The following PRKRIP1 variants were observed in gnomAD, a reference collection of about 807,000 sequenced individuals.
PRKRIP1 encodes the protein PRKR interacting protein 1.
In PRKRIP1, 29 loss-of-function variants were observed where a neutral mutation model predicts 29.3. That is an observed-to-expected ratio of 0.99 (90% CI 0.74 to 1.35). PRKRIP1 has a LOEUF of 1.35. Among genes scored for constraint, PRKRIP1 ranks in the 40% most tolerant of loss-of-function variants. The probability of loss-of-function intolerance (pLI) is 0.00; values close to 1 mark genes in which losing one functional copy is unlikely to be tolerated. For missense variants in PRKRIP1, 247 were observed against 236.8 expected, an observed-to-expected ratio of 1.04 and a Z score of -0.28; for synonymous variants, 90 against 85.1, an observed-to-expected ratio of 1.06 and a Z score of -0.32.
intron 5 of PRKRIP1, among the ~76,000 whole-genome samples, chr7:102,418,618 C>T (rs1796613591): frequency 6.6e-6 from 1 of 152,168 alleles, no homozygotes; most frequent in South Asian, 2.1e-4. Flanking sequence ...GCCTTCTCTC[C>T]TTGTTTCTCT....
intron 1 of PRKRIP1, among the ~76,000 whole-genome samples, chr7:102,396,991 C>T (rs916613991): frequency 6.6e-6 from 1 of 151,998 alleles, no homozygotes; most frequent in African/African-American, 2.4e-5. Flanking sequence ...CGGGAACGTC[C>T]TTTATACCTT....
chr7:102,400,309 C>CA (rs1322868732), intron 3 of PRKRIP1, among the ~76,000 whole-genome samples: 4 of 147,682 alleles, frequency 2.7e-5, no homozygotes, highest in Non-Finnish European at 3.0e-5. Context: ...AACTCCATCT[C>CA]AAAAAAAGGA....
At position 102,396,503 on chromosome 7, in the gene PRKRIP1, A is replaced by G; in HGVS notation, c.92A>G (p.Gln31Arg). The G allele has an allele frequency of 6.2e-7, 1 of 1,610,062 alleles. No individual in the cohort carries two copies. The highest frequency in any genetic ancestry group is 8.5e-7 in the Non-Finnish European group (1 of 1,178,940). The change falls in exon 1 of 6, where the codon CAG becomes CGG. Residue 31 changes from glutamine (Q) to arginine (R), a missense_variant. By Grantham distance (43) the Gln-to-Arg change is conservative (BLOSUM62 1). This residue lies in a region of PRKRIP1 where 105 missense variants were observed against 80.2 expected (regional missense o/e 1.31). Coordinates refer to ENST00000397912, the MANE Select transcript of PRKRIP1 (RefSeq NM_024653.4). ...LVIPKNAAEE[Q>R]KLKLERLMKN... is the part of the protein sequence containing the mutation. ...ATCCCCAAGAATGCGGCGGAGGAGC[A>G]GAAGCTCAAGCTGGAGCGGCTCATG... is the stretch of plus-strand genomic sequence containing the variant.
chr7:102,410,241 G>T (rs1314143479), intron 5 of PRKRIP1, among the ~76,000 whole-genome samples: 1 of 152,144 alleles, frequency 6.6e-6, no homozygotes, highest in Non-Finnish European at 1.5e-5. Flanking sequence ...CACTGCTCTG[G>T]TGGCCCTCTA....
intron 5 of PRKRIP1, chr7:102,423,439 T>C (rs1331226058): frequency 5.5e-5 from 16 of 290,804 alleles, no homozygotes; most frequent in Non-Finnish European, 1.0e-4. Context: ...GCAGACAACA[T>C]AGGCAGAGGC....
intron 5 of PRKRIP1, among the ~76,000 whole-genome samples, chr7:102,422,757 G>A (rs1203169778): frequency 2.6e-5 from 4 of 152,192 alleles, no homozygotes; most frequent in African/African-American, 9.7e-5. Flanking sequence ...GATTACAGGT[G>A]TGAGCCACTG....
chr7:102,425,921 A>C lies in PRKRIP1; in HGVS notation c.*810A>C, dbSNP rs1353185782. On this transcript the variant is annotated 3_prime_UTR_variant, in exon 6 of 6. Coordinates refer to ENST00000397912, the MANE Select transcript of PRKRIP1 (RefSeq NM_024653.4). ...AAGTGGAAGGGGGTCTAAACAGAACAGGCTGAGAGAGGCGGGACTGGGTCA... is the reference window on the plus strand; with the variant it reads ...AAGTGGAAGGGGGTCTAAACAGAACCGGCTGAGAGAGGCGGGACTGGGTCA... The C allele has an allele frequency of 6.5e-6, 1 of 153,164 alleles. No individual in the cohort carries two copies. The highest frequency in any genetic ancestry group is 1.5e-5 in the Non-Finnish European group (1 of 68,246). 9.5% of individuals were successfully genotyped at this position (153,164 alleles called of 1,614,324 possible). A position where few individuals can be genotyped will look rare whatever the true frequency, so the allele number is the denominator to read the frequency against.
chr7:102,404,778 C>G (rs1797225296), intron 4 of PRKRIP1, 95 bp downstream of exon 4: 1 of 855,590 alleles, frequency 1.2e-6, no homozygotes, highest in African/African-American at 1.7e-5. Flanking sequence ...CTCTGCATGA[C>G]CTGTAGGGGT....
At chr7:102,422,954 G>T in intron 5 of PRKRIP1, 1 of 309,178 alleles carries the variant, frequency 3.2e-6, no homozygotes, top group Non-Finnish European at 6.6e-6. Flanking sequence ...AACACATTTG[G>T]TCCCGAGCAT....
chr7:102,398,626 T>C (rs1662854808), intron 2 of PRKRIP1, among the ~76,000 whole-genome samples: 1 of 152,180 alleles, frequency 6.6e-6, no homozygotes, highest in African/African-American at 2.4e-5. Flanking sequence ...GGTTTTTTTG[T>C]AAATAAAAAT....
In PRKRIP1 at chr7:102,399,650, T is replaced by G; in HGVS notation, c.306+2T>G. ...TACATGGATGCCATGGCTGAGAAGG[T>G]CAGTGAGCCAGAAGGCTGGCTGAGC... On this transcript the variant is annotated splice_donor_variant, in intron 3 of 5. Coordinates refer to ENST00000397912, the MANE Select transcript of PRKRIP1 (RefSeq NM_024653.4). LOFTEE classifies it high-confidence loss of function. 1 of 1,609,954 alleles carries G rather than the reference T, an allele frequency of 6.2e-7. No homozygotes were observed. Among genetic ancestry groups the G allele is most frequent in the Non-Finnish European group, 8.5e-7 (1 of 1,176,332 alleles).
In PRKRIP1 at chr7:102,404,663, C is replaced by A. The variant is rs118139519; in HGVS notation, c.372C>A (p.Thr124=). 6.2e-6 allele frequency: 10 copies of A among 1,613,502 alleles called. No homozygotes were observed. In the African/African-American group the frequency reaches 1.2e-4, roughly 19 times the overall value. Residue 124 remains threonine, a synonymous_variant, in exon 4 of 6, where the codon ACC becomes ACA. Coordinates refer to ENST00000397912, the MANE Select transcript of PRKRIP1 (RefSeq NM_024653.4). ...EKNKIAAEEQ[T]AKRRKKRQKL... ...ATAAAATTGCTGCAGAGGAGCAGAC[C>A]GCAAAGCGCCGGAAGAAGCGGTAAG...
chr7:102,416,470 G>A (rs1554573129), intron 5 of PRKRIP1, among the ~76,000 whole-genome samples: 4 of 152,116 alleles, frequency 2.6e-5, no homozygotes, highest in Admixed American at 6.6e-5. Flanking sequence ...GTGTTATTAC[G>A]CATTCTTCGG....
chr7:102,413,063 A>G (rs1448562452), intron 5 of PRKRIP1, among the ~76,000 whole-genome samples: 10 of 152,298 alleles, frequency 6.6e-5, no homozygotes, highest in Admixed American at 5.9e-4. Context: ...GAGCTTCTCC[A>G]CAGTTGCACT....
intron 2 of PRKRIP1, among the ~76,000 whole-genome samples, chr7:102,398,729 G>C (rs2133162835): frequency 6.6e-6 from 1 of 152,308 alleles, no homozygotes; most frequent in South Asian, 2.1e-4. Flanking sequence ...TAGTTAAAGT[G>C]AATGTCGCAA....
chr7:102,404,568 C>T lies in PRKRIP1; in HGVS notation c.307-30C>T, dbSNP rs374354966. Reference sequence around the variant, plus strand: ...CTCCCACAGTCTGCCCAGACCAGAGCGTGTCTAAATGATGTGGGTTTTGTT... The same window carrying T: ...CTCCCACAGTCTGCCCAGACCAGAGTGTGTCTAAATGATGTGGGTTTTGTT... On this transcript the variant is annotated intron_variant, in intron 3 of 5. Transcript: ENST00000397912. The T allele has an allele frequency of 5.7e-5, 90 of 1,581,092 alleles. No individual in the cohort carries two copies. In the African/African-American group the frequency reaches 6.2e-4, roughly 11 times the overall value.
intron 5 of PRKRIP1, among the ~76,000 whole-genome samples, chr7:102,419,798 G>T (rs1047012994): frequency 2.4e-4 from 36 of 151,884 alleles, no homozygotes; most frequent in African/African-American, 8.7e-4. Flanking sequence ...TGGTGATTAT[G>T]GATAAAGCTT....
chr7:102,425,016 C>G lies in PRKRIP1; in HGVS notation c.460C>G (p.Pro154Ala). The part of the protein sequence containing the change: ...MKLEQKKQEG[P>A]GQPKEQGSSS... ...ATTTGAATGTCGTGTGGTTACAGGA[C>G]CCGGTCAGCCCAAGGAGCAGGGGTC... The change falls in exon 6 of 6, where the codon CCC becomes GCC. Residue 154 changes from proline (P) to alanine (A), a missense_variant and splice_region_variant. This residue lies in a region of PRKRIP1 where 134 missense variants were observed against 126.6 expected (regional missense o/e 1.06). Coordinates refer to ENST00000397912, the MANE Select transcript of PRKRIP1 (RefSeq NM_024653.4). The G allele has an allele frequency of 6.2e-7, 1 of 1,611,946 alleles. No homozygotes were observed. Among genetic ancestry groups the G allele is most frequent in the Non-Finnish European group, 8.5e-7 (1 of 1,179,330 alleles).
chr7:102,416,259 CAAA>C (rs1796545202), intron 5 of PRKRIP1, among the ~76,000 whole-genome samples: 1 of 152,196 alleles, frequency 6.6e-6, no homozygotes, highest in African/African-American at 2.4e-5. Context: ...AGAAAGATTG[CAAA>C]GATAGTACAG....
Sources: gnomAD v4.1 joint callset for allele counts (sites outside exome capture counted in the v4.1 genomes callset) on GRCh38, gnomAD v4.1.1 for gene constraint, gnomAD v4.1.1 regional missense constraint, MANE v1.5 for transcripts, NCBI Gene and HGNC (gene_info 2026-07-23, HGNC 2026-07-21) for gene names.